ADIPOR2: variants seen among roughly 807,000 people sequenced by gnomAD.
ADIPOR2 encodes the protein adiponectin receptor protein 2.
Under a neutral mutation model 40.9 loss-of-function variants are expected in ADIPOR2, and 18 were observed. The observed-to-expected ratio is 0.44, with a 90% confidence interval of 0.30 to 0.65. ADIPOR2 has a LOEUF of 0.65. Among genes scored for constraint, ADIPOR2 ranks in the 30% least tolerant of loss-of-function variants. The pLI is 0.09. For missense variants in ADIPOR2, 283 were observed against 479.2 expected (o/e 0.59, Z 3.82); for synonymous variants, 165 against 166.4 (o/e 0.99, Z 0.06).
At chr12:1,759,831 C>T (rs775265032) in intron 2 of ADIPOR2, among the ~76,000 whole-genome samples, 1 of 152,180 alleles carries the variant, frequency 6.6e-6, no homozygotes, top group East Asian at 1.9e-4. Context: ...TTGAGACCAG[C>T]GTGTCCATCA....
At chr12:1,777,263 C>T in intron 3 of ADIPOR2, among the ~76,000 whole-genome samples, 1 of 152,116 alleles carries the variant, frequency 6.6e-6, no homozygotes, top group Non-Finnish European at 1.5e-5. Flanking sequence ...TTGGAACCTT[C>T]ATCCCACCAT....
intron 1 of ADIPOR2, among the ~76,000 whole-genome samples, chr12:1,753,944 A>G (rs946192710): frequency 6.6e-6 from 1 of 152,206 alleles, no homozygotes; most frequent in Non-Finnish European, 1.5e-5. Context: ...AGGTTCTTCC[A>G]TATGTTCTTC....
chr12:1,721,434 T>G (rs186070530), intron 1 of ADIPOR2, among the ~76,000 whole-genome samples: 21 of 152,232 alleles, frequency 1.4e-4, no homozygotes, highest in African/African-American at 4.8e-4. Flanking sequence ...CAGGCTGGTC[T>G]TGAATTCCTG....
chr12:1,721,406 G>T (rs2094697743), intron 1 of ADIPOR2, among the ~76,000 whole-genome samples: 1 of 151,866 alleles, frequency 6.6e-6, no homozygotes, highest in Admixed American at 6.6e-5. Flanking sequence ...AGTACAGATG[G>T]GGTTTCACCA....
intron 1 of ADIPOR2, among the ~76,000 whole-genome samples, chr12:1,723,441 A>G (rs1249128393): frequency 6.7e-6 from 1 of 148,450 alleles, no homozygotes; most frequent in Non-Finnish European, 1.5e-5. Flanking sequence ...CCTGGCCAAC[A>G]TAGTGAAACC....
chr12:1,774,057 AT>A (rs1202202558), intron 3 of ADIPOR2, among the ~76,000 whole-genome samples: 1 of 152,208 alleles, frequency 6.6e-6, no homozygotes, highest in Non-Finnish European at 1.5e-5. Flanking sequence ...AGAACAATAG[AT>A]TCATTCTAGT....
intron 3 of ADIPOR2, among the ~76,000 whole-genome samples, chr12:1,774,165 A>G (rs1024857692): frequency 6.6e-6 from 1 of 152,214 alleles, no homozygotes; most frequent in African/African-American, 2.4e-5. Context: ...AAAGTTGGCA[A>G]ATTTAGTATC....
At chr12:1,770,546 A>C (rs1721321143) in intron 2 of ADIPOR2, among the ~76,000 whole-genome samples, 1 of 152,070 alleles carries the variant, frequency 6.6e-6, no homozygotes, top group South Asian at 2.1e-4. Flanking sequence ...ATTTTAATGG[A>C]ATTTTGTCAT....
chr12:1,702,301 TATGG>T (rs1333454324), intron 1 of ADIPOR2, among the ~76,000 whole-genome samples: 2 of 152,224 alleles, frequency 1.3e-5, no homozygotes, highest in Non-Finnish European at 2.9e-5. Flanking sequence ...TGAAGCCCTC[TATGG>T]TGAATTACCC....
chr12:1,746,317 A>G (rs1409654602), intron 1 of ADIPOR2, among the ~76,000 whole-genome samples: 1 of 152,012 alleles, frequency 6.6e-6, no homozygotes, highest in African/African-American at 2.4e-5. Context: ...GTAAAACTTC[A>G]TCTTTACTAA....
chr12:1,724,060 C>T (rs2094703042), intron 1 of ADIPOR2, among the ~76,000 whole-genome samples: 1 of 151,942 alleles, frequency 6.6e-6, no homozygotes, highest in Admixed American at 6.6e-5. Context: ...TGGCTCACCG[C>T]AACCTCTGCC....
Position 1,786,014 on chromosome 12 carries a change from A to G in ADIPOR2, c.1103A>G (p.Asn368Ser), listed in dbSNP as rs1862824480. The stretch of plus-strand genomic sequence containing the variant: ...TTTGTTCACTTCCATGGTGTCTCAA[A>G]CCTCCAGGAGTTTCGTTTCATGATC... ...GAFVHFHGVSNLQEFRFMIGG... is the reference protein window; with the variant it reads ...GAFVHFHGVSSLQEFRFMIGG... The change falls in exon 8 of 8, where the codon AAC becomes AGC. Residue 368 changes from asparagine (N) to serine (S), a missense_variant. Physicochemically the swap from Asn to Ser is conservative, Grantham distance 46. Around this residue, in one of 3 missense-constraint regions of ADIPOR2, gnomAD observed 106 missense variants for 149.7 expected, o/e 0.71. Coordinates refer to ENST00000357103, the MANE Select transcript of ADIPOR2 (RefSeq NM_024551.3). 2 of 1,613,448 alleles carry G rather than the reference A, an allele frequency of 1.2e-6. No individual in the cohort carries two copies. The highest frequency in any genetic ancestry group is 1.7e-6 in the Non-Finnish European group (2 of 1,179,916).
intron 1 of ADIPOR2, among the ~76,000 whole-genome samples, chr12:1,728,958 G>GTT (rs66842156): frequency 0.013 from 1,438 of 109,822 alleles, 24 homozygotes; most frequent in East Asian, 0.027. Context: ...GTTCTGGACT[G>GTT]TTTTTTTTTT....
intron 3 of ADIPOR2, among the ~76,000 whole-genome samples, chr12:1,774,104 C>G (rs1269021274): frequency 6.6e-6 from 1 of 152,126 alleles, no homozygotes; most frequent in African/African-American, 2.4e-5. Flanking sequence ...CAAAGGGATA[C>G]AAAAGATTAT....
chr12:1,706,254 C>T (rs927585277), intron 1 of ADIPOR2, among the ~76,000 whole-genome samples: 1 of 152,156 alleles, frequency 6.6e-6, no homozygotes, highest in Non-Finnish European at 1.5e-5. Flanking sequence ...TATGTAACAG[C>T]AGAGTTTTAA....
At position 1,786,312 on chromosome 12, in the gene ADIPOR2, G is replaced by GCTTA; in HGVS notation, c.*241_*244dup. ...AAAAGGAGACATAGCCCAAACCCTG[G>GCTTA]CTTATTCTTGGGATCTACTGATTGC... On this transcript the variant is annotated 3_prime_UTR_variant, in exon 8 of 8. Coordinates refer to ENST00000357103, the MANE Select transcript of ADIPOR2 (RefSeq NM_024551.3). 2.2e-6 allele frequency: 1 copy of GCTTA among 462,194 alleles called. No homozygotes were observed. The highest frequency in any genetic ancestry group is 3.7e-6 in the Non-Finnish European group (1 of 268,796). The allele number at this position is 462,194 out of a possible 1,614,324, so 28.6% of individuals were successfully genotyped here. A position where few individuals can be genotyped will look rare whatever the true frequency, so the allele number is the denominator to read the frequency against.
intron 2 of ADIPOR2, chr12:1,758,093 T>G: frequency 1.8e-6 from 1 of 563,974 alleles, no homozygotes; most frequent in Non-Finnish European, 3.2e-6. Context: ...CAGATTTACA[T>G]TAATTGATTT....
intron 1 of ADIPOR2, among the ~76,000 whole-genome samples, chr12:1,749,509 A>G (rs1377217062): frequency 6.6e-6 from 1 of 152,234 alleles, no homozygotes; most frequent in Non-Finnish European, 1.5e-5. Context: ...TAGCACCACA[A>G]TAAAATAACA....
intron 1 of ADIPOR2, among the ~76,000 whole-genome samples, chr12:1,739,530 A>C (rs543216020): frequency 2.0e-5 from 3 of 152,366 alleles, no homozygotes; most frequent in Admixed American, 2.0e-4. Context: ...AGATGAATGA[A>C]AATTATATGA....
Sources: gnomAD v4.1 joint callset for allele counts (sites outside exome capture counted in the v4.1 genomes callset) on GRCh38, gnomAD v4.1.1 for gene constraint, gnomAD v4.1.1 regional missense constraint, MANE v1.5 for transcripts, NCBI Gene and HGNC (gene_info 2026-07-23, HGNC 2026-07-21) for gene names.